Variants in RGS20 observed in about 807,000 individuals in gnomAD.
RGS20 encodes regulator of G protein signaling 20.
In RGS20, 30 loss-of-function variants were observed where a neutral mutation model predicts 33.6. That is an observed-to-expected ratio of 0.89 (90% CI 0.67 to 1.21). The LOEUF (loss-of-function observed/expected upper bound fraction) is 1.21. Ranked by LOEUF, RGS20 falls within the 50% of genes most tolerant of loss-of-function variation. RGS20 has a pLI of 0.00. For synonymous variants in RGS20, 208 were observed against 197.9 expected (o/e 1.05, Z -0.43); for missense variants, 472 against 502.4 (o/e 0.94, Z 0.58).
chr8:53,901,059 T>C lies in RGS20; in HGVS notation c.510+21457T>C, dbSNP rs537068006. On this transcript the variant is annotated intron_variant, in intron 2 of 5. Coordinates refer to ENST00000297313, the MANE Select transcript of RGS20 (RefSeq NM_170587.4). ...CAACATGCCCTGGCCTTCATACTTG[T>C]CTCTTTTTTTTTTTTTTTTTTTGAG... Among the ~76,000 whole-genome samples the C allele has an allele frequency of 1.3e-4, 19 of 146,372 alleles. 1 individual carries two copies. The highest frequency in any genetic ancestry group is 2.5e-4 in the Non-Finnish European group (17 of 67,308).
intron 1 of RGS20, among the ~76,000 whole-genome samples, chr8:53,875,003 G>A (rs1812167165): frequency 6.6e-6 from 1 of 152,152 alleles, no homozygotes; most frequent in Admixed American, 6.6e-5. Flanking sequence ...AAGAGAGTCT[G>A]GGATACTCCA....
intron 2 of RGS20, among the ~76,000 whole-genome samples, chr8:53,902,231 G>T (rs373282326): frequency 1.3e-5 from 2 of 151,990 alleles, no homozygotes; most frequent in Non-Finnish European, 2.9e-5. Context: ...TGCCCAGGCC[G>T]GTCTCAACTC....
chr8:53,914,643 C>T (rs1813435312), intron 2 of RGS20: 1 of 152,128 alleles, frequency 6.6e-6, no homozygotes, highest in Middle Eastern at 3.2e-3. Flanking sequence ...TCAACTCTAT[C>T]TCATGCAGAT....
chr8:53,859,632 G>T (rs1345245333), intron 1 of RGS20, among the ~76,000 whole-genome samples: 1 of 152,148 alleles, frequency 6.6e-6, no homozygotes, highest in Non-Finnish European at 1.5e-5. Flanking sequence ...GAAACTCAGG[G>T]AGTGTATTAG....
intron 2 of RGS20, among the ~76,000 whole-genome samples, chr8:53,903,794 T>C (rs1036980755): frequency 2.0e-5 from 3 of 152,150 alleles, no homozygotes; most frequent in Non-Finnish European, 4.4e-5. Flanking sequence ...AGAAAGACCA[T>C]AGAGGGAAGA....
At chr8:53,911,898 G>T (rs567881317) in intron 2 of RGS20, among the ~76,000 whole-genome samples, 7 of 152,154 alleles carry the variant, frequency 4.6e-5, no homozygotes, top group Non-Finnish European at 8.8e-5. Context: ...CCGAGATTGG[G>T]CCACTTAACT....
At chr8:53,860,132 G>A (rs1371653867) in intron 1 of RGS20, among the ~76,000 whole-genome samples, 1 of 152,132 alleles carries the variant, frequency 6.6e-6, no homozygotes, top group African/African-American at 2.4e-5. Context: ...TACAGCTCCT[G>A]CATTTCAAAT....
intron 4 of RGS20, among the ~76,000 whole-genome samples, chr8:53,948,447 CATATGCTATATATGATACAGT>C (rs1814605286): frequency 7.5e-6 from 1 of 133,200 alleles, no homozygotes; most frequent in African/African-American, 2.8e-5. Flanking sequence ...TATATATTTA[CATATGCTATATATGATACAGT>C]ATATATTTAC....
chr8:53,910,519 T>C (rs1015111240), intron 2 of RGS20, among the ~76,000 whole-genome samples: 1 of 152,176 alleles, frequency 6.6e-6, no homozygotes, highest in Non-Finnish European at 1.5e-5. Context: ...TACAGCTCCT[T>C]TGAAAGACAA....
intron 1 of RGS20, among the ~76,000 whole-genome samples, chr8:53,862,112 G>A (rs961200094): frequency 6.6e-6 from 1 of 152,174 alleles, no homozygotes; most frequent in Non-Finnish European, 1.5e-5. Flanking sequence ...GAAGTTAAGA[G>A]AAGTTTGCCT....
chr8:53,948,266 TAAGTTA>T (rs1282549473), intron 4 of RGS20, among the ~76,000 whole-genome samples: 1 of 139,592 alleles, frequency 7.2e-6, no homozygotes, highest in African/African-American at 2.6e-5. Flanking sequence ...ATACTATATG[TAAGTTA>T]TAGTATATAT....
chr8:53,930,213 G>GT (rs529365737), intron 2 of RGS20, among the ~76,000 whole-genome samples: 1 of 152,198 alleles, frequency 6.6e-6, no homozygotes, highest in South Asian at 2.1e-4. Context: ...TACTGGAACT[G>GT]TAAGAGAATT....
intron 4 of RGS20, among the ~76,000 whole-genome samples, chr8:53,951,251 A>C (rs963771063): frequency 6.6e-6 from 1 of 151,996 alleles, no homozygotes; most frequent in Non-Finnish European, 1.5e-5. Flanking sequence ...TTGGGAGACC[A>C]AGGATGGGGG....
intron 1 of RGS20, among the ~76,000 whole-genome samples, chr8:53,866,690 A>G (rs2129269753): frequency 6.6e-6 from 1 of 152,132 alleles, no homozygotes; most frequent in Non-Finnish European, 1.5e-5. Flanking sequence ...CCTCACATTT[A>G]CCTTTTAGAA....
chr8:53,932,056 T>G (rs1363240919), intron 2 of RGS20, among the ~76,000 whole-genome samples: 1 of 152,240 alleles, frequency 6.6e-6, no homozygotes, highest in Non-Finnish European at 1.5e-5. Context: ...TGGAAAATTC[T>G]TTTCTTTAAG....
intron 2 of RGS20, among the ~76,000 whole-genome samples, chr8:53,915,571 C>T (rs1336161925): frequency 1.3e-5 from 2 of 152,182 alleles, no homozygotes; most frequent in South Asian, 2.1e-4. Flanking sequence ...CATGGAAAAA[C>T]TCACCCATGC....
At chr8:53,933,986 G>C (rs1427279423) in intron 2 of RGS20, among the ~76,000 whole-genome samples, 5 of 152,280 alleles carry the variant, frequency 3.3e-5, no homozygotes. Context: ...TTTCAACCCA[G>C]AATTTTATAT....
chr8:53,881,301 G>C (rs1250187912), intron 2 of RGS20, among the ~76,000 whole-genome samples: 1 of 151,178 alleles, frequency 6.6e-6, no homozygotes, highest in Non-Finnish European at 1.5e-5. Flanking sequence ...TGCGAAGAGG[G>C]GCATCGCGCC....
At chr8:53,952,673 C>T (rs892655121) in intron 4 of RGS20, among the ~76,000 whole-genome samples, 3 of 151,956 alleles carry the variant, frequency 2.0e-5, no homozygotes, top group Non-Finnish European at 4.4e-5. Context: ...TTGCAGTGAG[C>T]CGAGATCGTG....
Sources: gnomAD v4.1 joint callset for allele counts (sites outside exome capture counted in the v4.1 genomes callset) on GRCh38, gnomAD v4.1.1 for gene constraint, MANE v1.5 for transcripts, NCBI Gene and HGNC (gene_info 2026-07-23, HGNC 2026-07-21) for gene names.